The following STAU2 variants were observed in gnomAD, a reference collection of about 807,000 sequenced individuals.
The protein encoded by STAU2 is staufen double-stranded RNA binding protein 2.
STAU2 carries 20 observed loss-of-function variants against 65.9 expected under a neutral mutation model. The observed-to-expected ratio is 0.30, with a 90% CI of 0.21 to 0.44. The LOEUF is 0.44. STAU2 is among the 20% of genes least tolerant of loss of function. STAU2 has a pLI of 1.00. For synonymous variants in STAU2, 232 were observed against 233.9 expected (o/e 0.99, Z 0.07); for missense variants, 558 against 683.9 (o/e 0.82, Z 2.05).
chr8:73,537,219 A>G (rs1466036973), intron 13 of STAU2, among the ~76,000 whole-genome samples: 2 of 152,210 alleles, frequency 1.3e-5, no homozygotes, highest in Non-Finnish European at 2.9e-5. Context: ...AGAAAAAAAC[A>G]AATAGTGCTT....
intron 6 of STAU2, among the ~76,000 whole-genome samples, chr8:73,621,910 C>T (rs904305469): frequency 6.6e-6 from 1 of 151,864 alleles, no homozygotes; most frequent in Non-Finnish European, 1.5e-5. Context: ...TTCAAGGAGA[C>T]CACACACAAT....
chr8:73,476,371 T>TA (rs1480249648), intron 13 of STAU2, among the ~76,000 whole-genome samples: 1 of 152,210 alleles, frequency 6.6e-6, no homozygotes, highest in Non-Finnish European at 1.5e-5. Context: ...TAAATGGTAA[T>TA]AGTCACCTGA....
At chr8:73,528,124 G>A (rs923940945) in intron 13 of STAU2, among the ~76,000 whole-genome samples, 4 of 152,116 alleles carry the variant, frequency 2.6e-5, no homozygotes, top group African/African-American at 4.8e-5. Context: ...TCAAGCATAA[G>A]CGTAAGTCAA....
At chr8:73,540,057 A>G (rs181551879) in intron 13 of STAU2, among the ~76,000 whole-genome samples, 164 of 152,220 alleles carry the variant, frequency 1.1e-3, no homozygotes, top group Non-Finnish European at 1.9e-3. Flanking sequence ...AGATTAAAGG[A>G]AAAAAGAGAT....
intron 6 of STAU2, among the ~76,000 whole-genome samples, chr8:73,622,400 C>T (rs539438389): frequency 7.9e-5 from 12 of 152,228 alleles, no homozygotes; most frequent in Non-Finnish European, 1.5e-4. Flanking sequence ...GCTGAGATTA[C>T]GGGCGTGAGC....
intron 13 of STAU2, among the ~76,000 whole-genome samples, chr8:73,512,518 A>C (rs1822463123): frequency 6.6e-6 from 1 of 152,172 alleles, no homozygotes; most frequent in Admixed American, 6.6e-5. Flanking sequence ...ACTGTGAATG[A>C]AATGGTCTTA....
chr8:73,677,318 A>T (rs1818094562), intron 5 of STAU2, among the ~76,000 whole-genome samples: 1 of 152,208 alleles, frequency 6.6e-6, no homozygotes, highest in Non-Finnish European at 1.5e-5. Context: ...TACCAAATAC[A>T]TTCATAACTA....
intron 13 of STAU2, among the ~76,000 whole-genome samples, chr8:73,524,602 A>C (rs1001434601): frequency 1.3e-5 from 2 of 152,190 alleles, no homozygotes; most frequent in African/African-American, 4.8e-5. Context: ...TAAAGGCTCA[A>C]GTCTAGAGAG....
rs562814894 is a variant in STAU2, at chr8:73,549,502, G to A, written c.1530+2510C>T. The A allele has an allele frequency of 4.2e-5, 15 of 355,688 alleles. No individual in the cohort carries two copies. In the East Asian group the frequency reaches 1.8e-3, roughly 43 times the overall value. 22.0% of individuals were successfully genotyped at this position (355,688 alleles called of 1,614,324 possible). ...ATTTTGTAGGTTTAAAAGAATTTGA[G>A]CTTGGATACCTACATTCAGTTGATC... On this transcript the variant is annotated intron_variant, in intron 13 of 14. Transcript: ENST00000524300.
chr8:73,554,840 C>G (rs1358558229), intron 12 of STAU2, among the ~76,000 whole-genome samples: 1 of 152,246 alleles, frequency 6.6e-6, no homozygotes, highest in African/African-American at 2.4e-5. Flanking sequence ...CTGGCTCCTA[C>G]TTATCGCTCT....
At chr8:73,674,851 A>G (rs1817927331) in intron 5 of STAU2, among the ~76,000 whole-genome samples, 1 of 152,004 alleles carries the variant, frequency 6.6e-6, no homozygotes, top group Admixed American at 6.6e-5. Flanking sequence ...AACTGAAAAT[A>G]TAGTCTTAAA....
intron 13 of STAU2, among the ~76,000 whole-genome samples, chr8:73,534,666 T>C (rs1179531686): frequency 1.3e-5 from 2 of 152,216 alleles, no homozygotes; most frequent in Non-Finnish European, 2.9e-5. Flanking sequence ...TTACAAGATA[T>C]ATAATTATTG....
intron 3 of STAU2, among the ~76,000 whole-genome samples, chr8:73,713,536 T>C (rs1821040420): frequency 6.6e-6 from 1 of 151,872 alleles, no homozygotes; most frequent in Non-Finnish European, 1.5e-5. Context: ...TTTTAAGAGG[T>C]GGTGATTAGA....
At position 73,565,413 on chromosome 8, in the gene STAU2, A is replaced by G. The variant is rs376329186; in HGVS notation, c.1223-13094T>C. Among the ~76,000 whole-genome samples the G allele has an allele frequency of 1.1e-4, 16 of 152,188 alleles. 1 individual carries two copies. The highest frequency in any genetic ancestry group is 9.6e-4 in the East Asian group (5 of 5,186). On this transcript the variant is annotated intron_variant, in intron 12 of 14. Coordinates refer to ENST00000524300, the MANE Select transcript of STAU2 (RefSeq NM_001164380.2). The stretch of plus-strand genomic sequence containing the variant: ...AGAAGCAAAATCCTGAACAGCCTGC[A>G]GAACTATTATCCAATTAAACCTCTT...
At position 73,576,960 on chromosome 8, in the gene STAU2, C is replaced by T. The variant is rs532549039; in HGVS notation, c.1222+5810G>A. ...TTTTGAAAAGACTAATTTTAAACAC[C>T]TTTTGATCCCCATAGACCTCTTAGA... On this transcript the variant is annotated intron_variant, in intron 12 of 14. Transcript: ENST00000524300. 2.5e-4 allele frequency among the ~76,000 whole-genome samples: 38 copies of T among 152,230 alleles called. No individual in the cohort carries two copies. In the South Asian group the frequency reaches 6.4e-3, roughly 26 times the overall value.
chr8:73,572,995 A>T (rs1333084007), intron 12 of STAU2, among the ~76,000 whole-genome samples: 2 of 152,238 alleles, frequency 1.3e-5, no homozygotes, highest in Non-Finnish European at 2.9e-5. Flanking sequence ...TTGTATATTT[A>T]GAAAACCTCA....
chr8:73,517,834 C>A (rs1263885042), intron 13 of STAU2, among the ~76,000 whole-genome samples: 1 of 152,106 alleles, frequency 6.6e-6, no homozygotes, highest in African/African-American at 2.4e-5. Flanking sequence ...CTTGTGTGCA[C>A]AATATCACTG....
chr8:73,474,210 G>A, intron 13 of STAU2, among the ~76,000 whole-genome samples: 1 of 152,180 alleles, frequency 6.6e-6, no homozygotes, highest in Non-Finnish European at 1.5e-5. Flanking sequence ...ACCTGAAAAT[G>A]GTTAGGCCTT....
chr8:73,582,320 T>C (rs1252364993), intron 12 of STAU2, among the ~76,000 whole-genome samples: 4 of 151,842 alleles, frequency 2.6e-5, no homozygotes, highest in Admixed American at 2.6e-4. Flanking sequence ...AATAAAATTT[T>C]ATGTATATCA....
Sources: gnomAD v4.1 joint callset for allele counts (sites outside exome capture counted in the v4.1 genomes callset) on GRCh38, gnomAD v4.1.1 for gene constraint, MANE v1.5 for transcripts, NCBI Gene and HGNC (gene_info 2026-07-23, HGNC 2026-07-21) for gene names.